The following AUTS2 variants were observed in gnomAD, a reference collection of about 807,000 sequenced individuals.
The protein encoded by AUTS2 is autism susceptibility gene 2 protein.
A neutral mutation model predicts 112.4 loss-of-function variants in AUTS2; 17 were observed. The observed-to-expected ratio is 0.15, with a 90% CI of 0.10 to 0.23. The LOEUF is 0.23. Ranked by LOEUF, AUTS2 falls within the 10% of genes least tolerant of loss-of-function variation. The pLI is 1.00. For synonymous variants in AUTS2, 751 were observed against 702.7 expected (o/e 1.07, Z -1.09); for missense variants, 1,510 against 1,701.6 (o/e 0.89, Z 1.98).
In AUTS2 at chr7:70,763,118, C is replaced by T; in HGVS notation, c.991C>T (p.Pro331Ser). 1 of 1,614,008 alleles carries T rather than the reference C, an allele frequency of 6.2e-7. No homozygotes were observed. The highest frequency in any genetic ancestry group is 8.5e-7 in the Non-Finnish European group (1 of 1,179,976). ...DPDLVQRTEA[P>S]PQPPPLSTQP... ...TGACTTGGTGCAGCGCACAGAGGCC[C>T]CACCTCAACCCCCACCTCTGAGTAC... Residue 331 changes from proline to serine, a missense_variant, in exon 7 of 19, where the codon CCA becomes TCA. Pro to Ser is a moderately conservative substitution (Grantham distance 74). Transcript: ENST00000342771.
At chr7:70,028,797 C>CT (rs922556797) in intron 2 of AUTS2, among the ~76,000 whole-genome samples, 19 of 152,316 alleles carry the variant, frequency 1.2e-4, no homozygotes, top group Middle Eastern at 6.8e-3. Context: ...GAATAACCTA[C>CT]TTCCCCTTTC....
chr7:70,471,068 A>G (rs532153400), intron 5 of AUTS2, among the ~76,000 whole-genome samples: 154 of 152,332 alleles, frequency 1.0e-3, no homozygotes, highest in African/African-American at 3.6e-3. Flanking sequence ...AGAGTTATGC[A>G]GAGCTGTAAT....
rs984822253 is a variant in AUTS2, at chr7:69,911,198, G to C, written c.522+11700G>C. Among the ~76,000 whole-genome samples, 20 of 152,214 alleles carry C rather than the reference G, an allele frequency of 1.3e-4. 1 individual carries two copies. Among genetic ancestry groups the C allele is most frequent in the African/African-American group, 4.8e-4 (20 of 41,452 alleles). On this transcript the variant is annotated intron_variant, in intron 2 of 18. Coordinates refer to ENST00000342771, the MANE Select transcript of AUTS2 (RefSeq NM_015570.4). ...GCCCCAGGCACCAGAACAGGTGCTG[G>C]CTCCATGCAAGGCTGTGGCTGGACA...
At chr7:69,896,223 T>C (rs1321875609) in intron 1 of AUTS2, among the ~76,000 whole-genome samples, 1 of 152,222 alleles carries the variant, frequency 6.6e-6, no homozygotes, top group Non-Finnish European at 1.5e-5. Flanking sequence ...CAGCCATTCA[T>C]TGAACATTTA....
chr7:69,936,767 G>GGTA (rs1329128158), intron 2 of AUTS2, among the ~76,000 whole-genome samples: 3 of 152,066 alleles, frequency 2.0e-5, no homozygotes, highest in Non-Finnish European at 4.4e-5. Flanking sequence ...TGACATCAGT[G>GGTA]GTAAATACAG....
chr7:70,242,707 G>A (rs1812685279), intron 4 of AUTS2, among the ~76,000 whole-genome samples: 1 of 152,026 alleles, frequency 6.6e-6, no homozygotes, highest in Admixed American at 6.6e-5. Context: ...TAGTCTCCCT[G>A]CCCTCAAATA....
At chr7:70,547,548 C>T (rs537343723) in intron 5 of AUTS2, among the ~76,000 whole-genome samples, 3 of 152,128 alleles carry the variant, frequency 2.0e-5, no homozygotes, top group African/African-American at 4.8e-5. Context: ...CCACCGTGCC[C>T]GGCCGTAATG....
At chr7:70,536,080 C>T (rs183410686) in intron 5 of AUTS2, among the ~76,000 whole-genome samples, 131 of 152,258 alleles carry the variant, frequency 8.6e-4, no homozygotes, top group African/African-American at 3.0e-3. Context: ...GTAATACCAG[C>T]AATTTGGGAG....
rs1585683310 is a variant in AUTS2, at chr7:70,782,069, G to A, written c.2146+313G>A. The A allele has an allele frequency of 1.3e-5, 4 of 311,292 alleles. No homozygotes were observed. The East Asian group carries it at 3.3e-4, about 26-fold the overall frequency. 19.3% of individuals were successfully genotyped at this position (311,292 alleles called of 1,614,324 possible). On this transcript the variant is annotated intron_variant, in intron 15 of 18. Coordinates refer to ENST00000342771, the MANE Select transcript of AUTS2 (RefSeq NM_015570.4). Reference sequence around the variant, plus strand: ...CAGTTGCTATTGAGAAAGATCTGAAGGCTTGCAAGGGCAGATCGGAAGGAA... The same window carrying A: ...CAGTTGCTATTGAGAAAGATCTGAAAGCTTGCAAGGGCAGATCGGAAGGAA...
At chr7:70,342,330 T>G (rs1585037394) in intron 4 of AUTS2, among the ~76,000 whole-genome samples, 1 of 152,086 alleles carries the variant, frequency 6.6e-6, no homozygotes, top group African/African-American at 2.4e-5. Context: ...TTTCTTTTTT[T>G]TTTTTTGCGG....
chr7:70,048,727 G>A (rs909877683), intron 2 of AUTS2, among the ~76,000 whole-genome samples: 5 of 152,182 alleles, frequency 3.3e-5, no homozygotes, highest in Non-Finnish European at 2.9e-5. Context: ...CAGGAGAAAG[G>A]TGAGACCTGA....
chr7:70,181,601 C>T (rs1222688004), intron 4 of AUTS2, among the ~76,000 whole-genome samples: 1 of 151,790 alleles, frequency 6.6e-6, no homozygotes, highest in African/African-American at 2.4e-5. Context: ...ATTCTCCTGC[C>T]TCAGCCTCCT....
At chr7:70,343,288 T>C (rs542728679) in intron 4 of AUTS2, among the ~76,000 whole-genome samples, 1 of 152,358 alleles carries the variant, frequency 6.6e-6, no homozygotes, top group South Asian at 2.1e-4. Context: ...ATGACCTATC[T>C]GGTTTCCTAC....
intron 1 of AUTS2, among the ~76,000 whole-genome samples, chr7:69,643,559 C>A (rs1037891536): frequency 6.6e-6 from 1 of 152,062 alleles, no homozygotes; most frequent in Non-Finnish European, 1.5e-5. Context: ...TTGTACCATG[C>A]CCTTGTTTTA....
chr7:70,780,170 A>G (rs914210035), intron 14 of AUTS2, among the ~76,000 whole-genome samples: 1 of 152,170 alleles, frequency 6.6e-6, no homozygotes, highest in Admixed American at 6.5e-5. Context: ...AGCAGTGCTT[A>G]TCCAAGGCAG....
chr7:70,196,236 G>A (rs1279389859), intron 4 of AUTS2, among the ~76,000 whole-genome samples: 1 of 152,214 alleles, frequency 6.6e-6, no homozygotes, highest in Non-Finnish European at 1.5e-5. Flanking sequence ...GGCAGACTGT[G>A]TCCCTGGGTA....
chr7:69,736,315 A>G (rs768662242), intron 1 of AUTS2, among the ~76,000 whole-genome samples: 19 of 152,180 alleles, frequency 1.2e-4, no homozygotes, highest in Non-Finnish European at 1.9e-4. Flanking sequence ...TCAGAAACAC[A>G]GTGAAATTCC....
intron 5 of AUTS2, 103 bp downstream of exon 5, chr7:70,435,884 A>G (rs1054217998): frequency 1.8e-5 from 23 of 1,252,492 alleles, no homozygotes; most frequent in African/African-American, 7.4e-5. Flanking sequence ...TCATGTTGAC[A>G]GGACCTTTTC....
At chr7:70,011,359 C>T (rs1584573883) in intron 2 of AUTS2, among the ~76,000 whole-genome samples, 2 of 145,370 alleles carry the variant, frequency 1.4e-5, no homozygotes, top group South Asian at 2.2e-4. Context: ...CCTCTCCTCT[C>T]CTCTCCCTCA....
Sources: gnomAD v4.1 joint callset for allele counts (sites outside exome capture counted in the v4.1 genomes callset) on GRCh38, gnomAD v4.1.1 for gene constraint, MANE v1.5 for transcripts, NCBI Gene and HGNC (gene_info 2026-07-23, HGNC 2026-07-21) for gene names.